Variants in PTRHD1 observed in about 807,000 individuals in gnomAD.
PTRHD1 encodes putative peptidyl-tRNA hydrolase PTRHD1.
PTRHD1 carries 12 observed loss-of-function variants against 13.6 expected under a neutral mutation model. That is an observed-to-expected ratio of 0.88 (90% CI 0.57 to 1.43). The LOEUF is 1.43. Ranked by LOEUF, PTRHD1 falls within the 40% of genes most tolerant of loss-of-function variation. The pLI is 0.00. For synonymous variants in PTRHD1, 86 were observed against 79.5 expected (o/e 1.08, Z -0.43); for missense variants, 203 against 184.7 (o/e 1.10, Z -0.57).
rs1374415604 is a variant in PTRHD1, at chr2:24,790,336, G to A, written c.*75C>T. 9.3e-6 allele frequency: 14 copies of A among 1,510,466 alleles called. No homozygotes were observed. Among genetic ancestry groups the A allele is most frequent in the African/African-American group, 2.8e-5 (2 of 72,342 alleles). The allele number at this position is 1,510,466 out of a possible 1,614,324, so 93.6% of individuals were successfully genotyped here. On this transcript the variant is annotated 3_prime_UTR_variant, in exon 2 of 2. Coordinates refer to ENST00000328379, the MANE Select transcript of PTRHD1 (RefSeq NM_001013663.2). ...AAATTGTCACAACTGAAAGACGGGA[G>A]CAAGCTGACACTGCAAGGAACACAT...
At chr2:24,791,750 C>A (rs1665630924) in intron 1 of PTRHD1, 2 of 152,228 alleles carry the variant, frequency 1.3e-5, no homozygotes, top group Admixed American at 6.5e-5. Context: ...CTGGCCTCTT[C>A]GTCCCTTTAT....
In PTRHD1 at chr2:24,790,290, A is replaced by T; in HGVS notation, c.*121T>A. On this transcript the variant is annotated 3_prime_UTR_variant, in exon 2 of 2. Transcript: ENST00000328379. ...AGTTATTAATGACAACTTTAATATGAACATGTGCTTAACCCTCAAGAAATT... is the reference window on the plus strand; with the variant it reads ...AGTTATTAATGACAACTTTAATATGTACATGTGCTTAACCCTCAAGAAATT... 1 of 1,148,190 alleles carries T rather than the reference A, an allele frequency of 8.7e-7. No homozygotes were observed. The highest frequency in any genetic ancestry group is 2.4e-5 in the East Asian group (1 of 42,122). 71.1% of individuals were successfully genotyped at this position (1,148,190 alleles called of 1,614,324 possible).
At chr2:24,793,005 T>G (rs886548308) in intron 1 of PTRHD1, 121 bp downstream of exon 1, 10 of 1,203,306 alleles carry the variant, frequency 8.3e-6, no homozygotes, top group Non-Finnish European at 1.1e-5. Context: ...CCAGTCTAAA[T>G]GTTAACGATC....
chr2:24,792,801 T>C (rs1300119914), intron 1 of PTRHD1: 7 of 443,118 alleles, frequency 1.6e-5, no homozygotes, highest in Admixed American at 7.8e-5. Context: ...CACTTTGCAC[T>C]GTCCCTTCGG....
At position 24,793,327 on chromosome 2, in the gene PTRHD1, G is replaced by A. The variant is rs776592536; in HGVS notation, c.51C>T (p.Ala17=). 3.2e-5 allele frequency: 51 copies of A among 1,613,744 alleles called. No homozygotes were observed. Among genetic ancestry groups the A allele is most frequent in the Non-Finnish European group, 4.2e-5 (49 of 1,180,042 alleles). ...PAFRVVRKMA[A]SGAEPQVLVQ... is the part of the protein sequence containing the mutation. Reference sequence around the variant, plus strand: ...CCAGGACCTGCGGCTCCGCCCCAGAGGCCGCCATCTTCCTGACCACCCGAA... The same window carrying A: ...CCAGGACCTGCGGCTCCGCCCCAGAAGCCGCCATCTTCCTGACCACCCGAA... The change falls in exon 1 of 2, where the codon GCC becomes GCT. Residue 17 remains alanine, a synonymous_variant. Coordinates refer to ENST00000328379, the MANE Select transcript of PTRHD1 (RefSeq NM_001013663.2).
chr2:24,791,679 C>T (rs1665628399), intron 1 of PTRHD1: 1 of 152,220 alleles, frequency 6.6e-6, no homozygotes, highest in Non-Finnish European at 1.5e-5. Context: ...GCTCTGGAAT[C>T]AGACTACTGG....
At chr2:24,793,017 C>G in intron 1 of PTRHD1, 109 bp downstream of exon 1, 1 of 1,321,852 alleles carries the variant, frequency 7.6e-7, no homozygotes, top group Admixed American at 2.2e-5. Context: ...TTAACGATCA[C>G]CCCAACTCCC....
chr2:24,790,171 A>G lies in PTRHD1; in HGVS notation c.*240T>C, dbSNP rs554371327. On this transcript the variant is annotated 3_prime_UTR_variant, in exon 2 of 2. Coordinates refer to ENST00000328379, the MANE Select transcript of PTRHD1 (RefSeq NM_001013663.2). ...GGAAGGGAGTTTCCTTGAGCCCCAC[A>G]GGAGAGTCTAACCAAATCTTCTATT... The G allele has an allele frequency of 8.1e-5, 36 of 445,510 alleles. No individual in the cohort carries two copies. The highest frequency in any genetic ancestry group is 6.9e-4 in the African/African-American group (35 of 50,856). The allele number at this position is 445,510 out of a possible 1,614,324, so 27.6% of individuals were successfully genotyped here.
chr2:24,790,173 G>C lies in PTRHD1; in HGVS notation c.*238C>G. 1 of 452,086 alleles carries C rather than the reference G, an allele frequency of 2.2e-6. No individual in the cohort carries two copies. Among genetic ancestry groups the C allele is most frequent in the Non-Finnish European group, 3.9e-6 (1 of 257,254 alleles). 28.0% of individuals were successfully genotyped at this position (452,086 alleles called of 1,614,324 possible). A position where few individuals can be genotyped will look rare whatever the true frequency, so the allele number is the denominator to read the frequency against. ...AAGGGAGTTTCCTTGAGCCCCACAG[G>C]AGAGTCTAACCAAATCTTCTATTTG... On this transcript the variant is annotated 3_prime_UTR_variant, in exon 2 of 2. Transcript: ENST00000328379.
chr2:24,792,372 C>G (rs1200408314), intron 1 of PTRHD1: 1 of 151,874 alleles, frequency 6.6e-6, no homozygotes, highest in South Asian at 2.1e-4. Flanking sequence ...TAGGAAATAA[C>G]CAAAATCTCA....
chr2:24,790,912 C>T (rs959167431), intron 1 of PTRHD1, among the ~76,000 whole-genome samples: 5 of 151,184 alleles, frequency 3.3e-5, no homozygotes, highest in African/African-American at 1.2e-4. Flanking sequence ...TAAGAGCTGC[C>T]TAGTGGAAGT....
At position 24,793,173 on chromosome 2, in the gene PTRHD1, CTG is replaced by C. The variant is rs1665682990; in HGVS notation, c.203_204del (p.Thr68SerfsTer20). 4 of 1,613,340 alleles carry C rather than the reference CTG, an allele frequency of 2.5e-6. No individual in the cohort carries two copies. The highest frequency in any genetic ancestry group is 3.4e-6 in the Non-Finnish European group (4 of 1,179,896). On this transcript the variant is annotated frameshift_variant, in exon 1 of 2. Coordinates refer to ENST00000328379, the MANE Select transcript of PTRHD1 (RefSeq NM_001013663.2). LOFTEE classifies it high-confidence loss of function. The part of the protein sequence containing the change: ...ALHTHRDHPH[T>X]AAYLQELGRM... Reference sequence around the variant, plus strand: ...CGCCCCAGCTCTTGGAGGTAAGCGGCTGTGTGCGGGTGGTCGCGGTGAGTGTG... The same window carrying C: ...CGCCCCAGCTCTTGGAGGTAAGCGGCTGTGCGGGTGGTCGCGGTGAGTGTG...
At position 24,793,161 on chromosome 2, in the gene PTRHD1, G is replaced by A. The variant is rs747101256; in HGVS notation, c.217C>T (p.Gln73Ter). The change falls in exon 1 of 2, where the codon CAA becomes TAA. Residue 73 changes from glutamine to a stop codon, truncating the protein, a stop_gained. Transcript: ENST00000328379. LOFTEE classifies it high-confidence loss of function. ...ACTTTGCGCATGCGCCCCAGCTCTT[G>A]GAGGTAAGCGGCTGTGTGCGGGTGG... ...RDHPHTAAYL[Q>*]ELGRMRKVVL... The A allele has an allele frequency of 6.2e-7, 1 of 1,613,420 alleles. No homozygotes were observed. The highest frequency in any genetic ancestry group is 2.2e-5 in the East Asian group (1 of 44,880).
chr2:24,790,852 T>C (rs904483082), intron 1 of PTRHD1, among the ~76,000 whole-genome samples: 1 of 152,220 alleles, frequency 6.6e-6, no homozygotes, highest in Non-Finnish European at 1.5e-5. Flanking sequence ...CTCTATACAT[T>C]TTCCAGCTCT....
rs1665590404 is a variant in PTRHD1, at chr2:24,790,082, G to T, written c.*329C>A. ...AAGTTGATGTTATCTTAGATTCAAT[G>T]AAATATGATAACTGGATGTGAATAA... On this transcript the variant is annotated 3_prime_UTR_variant, in exon 2 of 2. Coordinates refer to ENST00000328379, the MANE Select transcript of PTRHD1 (RefSeq NM_001013663.2). 4.8e-6 allele frequency: 1 copy of T among 206,546 alleles called. No individual in the cohort carries two copies. The highest frequency in any genetic ancestry group is 9.7e-6 in the Non-Finnish European group (1 of 103,620). 12.8% of individuals were successfully genotyped at this position (206,546 alleles called of 1,614,324 possible).
intron 1 of PTRHD1, 159 bp downstream of exon 1, chr2:24,792,967 C>A: frequency 1.1e-6 from 1 of 887,472 alleles, no homozygotes; most frequent in Non-Finnish European, 1.7e-6. Flanking sequence ...CAGGCCCTTC[C>A]CAAGGGCGCA....
Position 24,790,348 on chromosome 2 carries a change from T to C in PTRHD1, c.*63A>G, listed in dbSNP as rs1436287614. The stretch of plus-strand genomic sequence containing the variant: ...CTGAAAGACGGGAGCAAGCTGACAC[T>C]GCAAGGAACACATGATGCTTTGGAA... On this transcript the variant is annotated 3_prime_UTR_variant, in exon 2 of 2. Transcript: ENST00000328379. The C allele has an allele frequency of 6.4e-7, 1 of 1,552,454 alleles. No homozygotes were observed. Among genetic ancestry groups the C allele is most frequent in the Admixed American group, 1.8e-5 (1 of 54,858 alleles).
At chr2:24,793,096 A>AGCACCTCCCCCTCCGCCCGAGTGCC in intron 1 of PTRHD1, 30 bp downstream of exon 1, 1 of 1,600,574 alleles carries the variant, frequency 6.2e-7, no homozygotes, top group Non-Finnish European at 8.5e-7. Flanking sequence ...TCGATGTCTC[A>AGCACCTCCCCCTCCGCCCGAGTGCC]GCACCTCCCC....
At position 24,793,207 on chromosome 2, in the gene PTRHD1, C is replaced by G; in HGVS notation, c.171G>C (p.Ala57=). 3.7e-6 allele frequency: 6 copies of G among 1,612,928 alleles called. No individual in the cohort carries two copies. The highest frequency in any genetic ancestry group is 5.1e-6 in the Non-Finnish European group (6 of 1,179,770). The part of the protein sequence containing the change: ...LVAQACHAAT[A]ALHTHRDHPH... ...GGTGGTCGCGGTGAGTGTGCAAGGC[C>G]GCGGTGGCCGCGTGACAAGCCTGCG... Residue 57 remains alanine (A), a synonymous_variant, in exon 1 of 2, where the codon GCG becomes GCC. Transcript: ENST00000328379.
Sources: gnomAD v4.1 joint callset for allele counts (sites outside exome capture counted in the v4.1 genomes callset) on GRCh38, gnomAD v4.1.1 for gene constraint, MANE v1.5 for transcripts, NCBI Gene and HGNC (gene_info 2026-07-23, HGNC 2026-07-21) for gene names.